LCMT1: variants seen among roughly 807,000 people sequenced by gnomAD.
LCMT1 encodes [Phosphatase 2A protein]-leucine-carboxy methyltransferase 1.
In LCMT1, 32 loss-of-function variants were observed where a neutral mutation model predicts 47.7. The observed-to-expected ratio is 0.67, with a 90% CI of 0.51 to 0.90. The LOEUF (loss-of-function observed/expected upper bound fraction) is 0.90. Ranked by LOEUF, LCMT1 falls within the 40% of genes least tolerant of loss-of-function variation. LCMT1 has a pLI of 0.00. For missense variants in LCMT1, 375 were observed against 415.2 expected, an observed-to-expected ratio of 0.90 and a Z score of 0.84; for synonymous variants, 152 against 149.7, an observed-to-expected ratio of 1.02 and a Z score of -0.11.
intron 3 of LCMT1, among the ~76,000 whole-genome samples, chr16:25,136,154 A>G (rs892381026): frequency 1.3e-5 from 2 of 150,952 alleles, no homozygotes; most frequent in Non-Finnish European, 2.9e-5. Context: ...AGGGGCCTCC[A>G]TTTCTTGGTG....
chr16:25,140,928 TC>T (rs1168884331), intron 4 of LCMT1: 2 of 151,726 alleles, frequency 1.3e-5, no homozygotes, highest in East Asian at 1.9e-4. Flanking sequence ...TATCTCTATT[TC>T]CCCCTGAGAG....
intron 7 of LCMT1, among the ~76,000 whole-genome samples, chr16:25,167,398 G>A (rs1382082573): frequency 6.6e-6 from 1 of 151,424 alleles, no homozygotes; most frequent in Non-Finnish European, 1.5e-5. Context: ...GCTCACTGCA[G>A]TCTTGAGCTC....
At position 25,150,428 on chromosome 16, in the gene LCMT1, TCCGCCTCCTAGG is replaced by T. The variant is rs1303036798; in HGVS notation, c.405-1125_405-1114del. 2.3e-5 allele frequency among the ~76,000 whole-genome samples: 3 copies of T among 131,872 alleles called. No homozygotes were observed. The South Asian group carries it at 7.9e-4, about 35-fold the overall frequency. 86.5% of individuals were successfully genotyped at this position (131,872 alleles called of 152,430 possible). A position where few individuals can be genotyped will look rare whatever the true frequency, so the allele number is the denominator to read the frequency against. ...GGCACGATCTCAGCTCACCGCAACC[TCCGCCTCCTAGG>T]TGCAAGCGATTCTCCTGCCTCAGCC... On this transcript the variant is annotated intron_variant, in intron 4 of 10. Transcript: ENST00000399069.
intron 4 of LCMT1, chr16:25,146,143 C>G (rs985440744): frequency 6.6e-6 from 1 of 152,306 alleles, no homozygotes; most frequent in African/African-American, 2.4e-5. Context: ...CCTTAGGACA[C>G]CTGTCTATTC....
chr16:25,151,727 T>TGG, intron 5 of LCMT1, 112 bp downstream of exon 5: 2 of 154,688 alleles, frequency 1.3e-5, no homozygotes, highest in Non-Finnish European at 2.2e-5. Flanking sequence ...GTGTGTGGTG[T>TGG]TATACAATGT....
intron 9 of LCMT1, among the ~76,000 whole-genome samples, chr16:25,174,570 C>T (rs898271750): frequency 2.0e-5 from 3 of 152,154 alleles, no homozygotes; most frequent in African/African-American, 7.2e-5. Flanking sequence ...TTAAAAATGG[C>T]TGCATAGTGT....
chr16:25,117,111 A>G (rs915132202), intron 1 of LCMT1, among the ~76,000 whole-genome samples: 2 of 152,126 alleles, frequency 1.3e-5, no homozygotes, highest in Non-Finnish European at 2.9e-5. Context: ...TGAGTGCAGA[A>G]CTGATATGAT....
rs759317553 is a variant in LCMT1 at position 25,132,481 on chromosome 16, C to T, written c.285C>T (p.Val95=). ...AGACAGAATGTCATTGTCAAATTGTCAACCTTGGGGCAGGCATGGATACCA... is the reference window on the plus strand; with the variant it reads ...AGACAGAATGTCATTGTCAAATTGTTAACCTTGGGGCAGGCATGGATACCA... ...LRKTECHCQI[V]NLGAGMDTTF... Residue 95 remains valine, a synonymous_variant, in exon 3 of 11, where the codon GTC becomes GTT. Transcript: ENST00000399069. 1.2e-6 allele frequency: 2 copies of T among 1,613,906 alleles called. No homozygotes were observed. The highest frequency in any genetic ancestry group is 1.7e-6 in the Non-Finnish European group (2 of 1,179,832).
chr16:25,121,853 C>G (rs1209893911), intron 1 of LCMT1, among the ~76,000 whole-genome samples: 2 of 152,212 alleles, frequency 1.3e-5, no homozygotes, highest in African/African-American at 4.8e-5. Flanking sequence ...GGTGAGGACA[C>G]AGCCAAACCA....
intron 2 of LCMT1, among the ~76,000 whole-genome samples, chr16:25,129,806 A>C (rs904616308): frequency 2.6e-5 from 4 of 152,180 alleles, no homozygotes; most frequent in African/African-American, 9.7e-5. Context: ...AGCATATCTT[A>C]GTTTTCACGC....
At chr16:25,118,857 CG>C (rs1013633269) in intron 1 of LCMT1, among the ~76,000 whole-genome samples, 1 of 151,502 alleles carries the variant, frequency 6.6e-6, no homozygotes, top group Admixed American at 6.6e-5. Flanking sequence ...GTGCAGGAGG[CG>C]GGGGCAGATG....
At chr16:25,139,873 A>G (rs551322320) in intron 3 of LCMT1, among the ~76,000 whole-genome samples, 1 of 152,056 alleles carries the variant, frequency 6.6e-6, no homozygotes, top group East Asian at 1.9e-4. Flanking sequence ...TCTACTTCCA[A>G]AGCACCTCTC....
chr16:25,163,663 A>G (rs1300756249), intron 6 of LCMT1, among the ~76,000 whole-genome samples: 1 of 152,056 alleles, frequency 6.6e-6, no homozygotes, highest in East Asian at 1.9e-4. Flanking sequence ...TTGTTTCATT[A>G]CTCTTGGGGT....
intron 3 of LCMT1, among the ~76,000 whole-genome samples, chr16:25,135,737 A>T (rs1445366464): frequency 6.6e-6 from 1 of 152,052 alleles, no homozygotes; most frequent in East Asian, 1.9e-4. Context: ...ACAGTTAAAG[A>T]CTCCCATCTG....
chr16:25,150,309 TC>T (rs1961035323), intron 4 of LCMT1, among the ~76,000 whole-genome samples: 1 of 148,134 alleles, frequency 6.8e-6, no homozygotes, highest in African/African-American at 2.5e-5. Context: ...AAGCTCAAGA[TC>T]AAGGCATCTT....
chr16:25,115,954 A>G (rs571949112), intron 1 of LCMT1, among the ~76,000 whole-genome samples: 7 of 152,224 alleles, frequency 4.6e-5, no homozygotes, highest in Non-Finnish European at 8.8e-5. Context: ...CTGGGATTAC[A>G]GGCATGAGCC....
chr16:25,172,826 G>A (rs1188342008), intron 9 of LCMT1, among the ~76,000 whole-genome samples: 2 of 152,136 alleles, frequency 1.3e-5, no homozygotes, highest in Non-Finnish European at 2.9e-5. Flanking sequence ...ATGTCAAGAC[G>A]ACTGTTTTGA....
intron 1 of LCMT1, among the ~76,000 whole-genome samples, chr16:25,128,057 G>A (rs1317817589): frequency 6.6e-6 from 1 of 152,202 alleles, no homozygotes; most frequent in Non-Finnish European, 1.5e-5. Context: ...CATGCTGTTT[G>A]TCAAGTGTTT....
chr16:25,155,000 G>A (rs1468873506), intron 5 of LCMT1, among the ~76,000 whole-genome samples: 2 of 152,266 alleles, frequency 1.3e-5, no homozygotes, highest in South Asian at 2.1e-4. Flanking sequence ...TCTTAAAACT[G>A]ACAAAAAATA....
Sources: gnomAD v4.1 joint callset for allele counts (sites outside exome capture counted in the v4.1 genomes callset) on GRCh38, gnomAD v4.1.1 for gene constraint, MANE v1.5 for transcripts, NCBI Gene and HGNC (gene_info 2026-07-23, HGNC 2026-07-21) for gene names.